Variants in ZNF180 observed in about 807,000 individuals in gnomAD.
ZNF180 encodes the protein zinc finger protein 180 (HHZ168).
Under a neutral mutation model 11.8 loss-of-function variants are expected in ZNF180, and 11 were observed. That is an observed-to-expected ratio of 0.93 (90% CI 0.59 to 1.55). The LOEUF (loss-of-function observed/expected upper bound fraction) is 1.55, where lower values mean the gene tolerates loss of function less well. Among genes scored for constraint, ZNF180 ranks in the 40% most tolerant of loss-of-function variants. The pLI is 0.00. For missense variants in ZNF180, 773 were observed against 781.7 expected (o/e 0.99, Z 0.13); for synonymous variants, 287 against 257.7 (o/e 1.11, Z -1.09).
chr19:44,486,130 A>T (rs1970221856), intron 2 of ZNF180, among the ~76,000 whole-genome samples: 1 of 152,234 alleles, frequency 6.6e-6, no homozygotes, highest in African/African-American at 2.4e-5. Flanking sequence ...AGAAGAAATA[A>T]ATTTGCATGT....
intron 3 of ZNF180, among the ~76,000 whole-genome samples, chr19:44,482,643 T>C (rs1429254268): frequency 6.6e-6 from 1 of 152,196 alleles, no homozygotes; most frequent in Non-Finnish European, 1.5e-5. Flanking sequence ...TTATCTCATA[T>C]TGTCTATAGC....
chr19:44,499,295 A>C (rs1970671873), intron 1 of ZNF180, among the ~76,000 whole-genome samples: 1 of 152,166 alleles, frequency 6.6e-6, no homozygotes, highest in African/African-American at 2.4e-5. Context: ...CCCGGGACCA[A>C]ATCTGCAGCA....
At chr19:44,483,797 C>T (rs545292055) in intron 3 of ZNF180, among the ~76,000 whole-genome samples, 188 of 152,142 alleles carry the variant, frequency 1.2e-3, no homozygotes, top group Non-Finnish European at 2.2e-3. Flanking sequence ...CTCTTGTTGC[C>T]TGATGAATAA....
In ZNF180 at chr19:44,479,268, G is replaced by A; in HGVS notation, c.253+15C>T. 1 of 1,608,308 alleles carries A rather than the reference G, an allele frequency of 6.2e-7. No homozygotes were observed. On this transcript the variant is annotated intron_variant, in intron 4 of 4. Transcript: ENST00000592529. ...TCAGTAGATGGATCTTCATTAAAGA[G>A]GAGTGTATTCTTACCCCAAGAGACT...
chr19:44,483,927 C>T (rs2461534), intron 3 of ZNF180, among the ~76,000 whole-genome samples: 93,575 of 151,610 alleles, frequency 0.62, 30,017 homozygotes, highest in East Asian at 0.89. Flanking sequence ...CTTCTACCTT[C>T]CACACAATAA....
rs1969866301 is a variant in ZNF180 at position 44,476,303 on chromosome 19, A to G, written c.*99T>C. The G allele has an allele frequency of 1.7e-5, 20 of 1,169,982 alleles. No homozygotes were observed. The South Asian group carries it at 3.6e-4, about 21-fold the overall frequency. 72.5% of individuals were successfully genotyped at this position (1,169,982 alleles called of 1,614,324 possible). On this transcript the variant is annotated 3_prime_UTR_variant, in exon 5 of 5. Coordinates refer to ENST00000592529, the MANE Select transcript of ZNF180 (RefSeq NM_001278509.3). Reference sequence around the variant, plus strand: ...GAGGGCTGGAAGTTTTCCCACATATATTGTTTTTATAGTAGTTCTTCCAAC... The same window carrying G: ...GAGGGCTGGAAGTTTTCCCACATATGTTGTTTTTATAGTAGTTCTTCCAAC...
rs145991950 is a variant in ZNF180 at position 44,484,091 on chromosome 19, T to G, written c.126+270A>C. On this transcript the variant is annotated intron_variant, in intron 3 of 4. Coordinates refer to ENST00000592529, the MANE Select transcript of ZNF180 (RefSeq NM_001278509.3). ...CTCACTGCAAGCTCTGCCTCCCAGG[T>G]TCACACCATTCTCCTGCCTCAGCCT... 9.9e-3 allele frequency among the ~76,000 whole-genome samples: 1,508 copies of G among 151,612 alleles called. 28 individuals carry two copies. The highest frequency in any genetic ancestry group is 0.034 in the African/African-American group (1,414 of 41,256).
chr19:44,479,559 G>A (rs1970025814), intron 3 of ZNF180, 150 bp from the exon 4 acceptor site: 2 of 1,023,248 alleles, frequency 2.0e-6, no homozygotes, highest in Admixed American at 2.5e-5. Flanking sequence ...CAGTCAAGAT[G>A]TACAGGTGCC....
At chr19:44,478,347 A>G (rs16979139) in intron 4 of ZNF180, among the ~76,000 whole-genome samples, 6,751 of 152,312 alleles carry the variant, frequency 0.044, 410 homozygotes, top group African/African-American at 0.12. Context: ...AGAGCATTAA[A>G]ATGGAACTAT....
In ZNF180 at chr19:44,479,418, G is replaced by C; in HGVS notation, c.127-9C>G. 1 of 1,613,518 alleles carries C rather than the reference G, an allele frequency of 6.2e-7. No individual in the cohort carries two copies. The stretch of plus-strand genomic sequence containing the variant: ...TTGAAGTTCACTCCTTCCTAAAAAA[G>C]GACACACATTCCTGCTCAGCTGGGC... On this transcript the variant is annotated splice_polypyrimidine_tract_variant and intron_variant, in intron 3 of 4. Transcript: ENST00000592529.
At chr19:44,489,962 GAAAGA>G (rs896767999) in intron 2 of ZNF180, among the ~76,000 whole-genome samples, 102 of 115,562 alleles carry the variant, frequency 8.8e-4, no homozygotes, top group Non-Finnish European at 1.4e-3. Context: ...GGAAAAGAAA[GAAAGA>G]AAAGAAAGAA....
Position 44,477,495 on chromosome 19 carries a change from T to C in ZNF180, c.905A>G (p.Tyr302Cys). Residue 302 changes from tyrosine to cysteine, a missense_variant, in exon 5 of 5, where the codon TAT (tyrosine) becomes TGT (cysteine). Tyr to Cys is a radical substitution (Grantham distance 194, BLOSUM62 -2). Coordinates refer to ENST00000592529, the MANE Select transcript of ZNF180 (RefSeq NM_001278509.3). The stretch of plus-strand genomic sequence containing the variant: ...ACTATGAGAGGTTTCACTACATTTA[T>C]ATTGACTCTCTTCAAAAGGAATTCT... ...QQRIPFEESQYKCSETSHSSS... is the reference protein window; with the variant it reads ...QQRIPFEESQCKCSETSHSSS... The C allele has an allele frequency of 6.2e-7, 1 of 1,614,144 alleles. No individual in the cohort carries two copies. The highest frequency in any genetic ancestry group is 1.1e-5 in the South Asian group (1 of 91,076).
chr19:44,477,756 T>C lies in ZNF180; in HGVS notation c.644A>G (p.Asn215Ser), dbSNP rs1969962274. 2 of 1,614,024 alleles carry C rather than the reference T, an allele frequency of 1.2e-6. No individual in the cohort carries two copies. Among genetic ancestry groups the C allele is most frequent in the Non-Finnish European group, 1.7e-6 (2 of 1,179,964 alleles). Reference protein sequence around the residue: ...AVNSHQKINENETLYENNECG... With the variant: ...AVNSHQKINESETLYENNECG... ...TTCATTATTTTCATATAGTGTCTCA[T>C]TCTCATTAATCTTCTGATGACTGTT... The change falls in exon 5 of 5, where the codon AAT becomes AGT. Residue 215 changes from asparagine to serine, a missense_variant. Coordinates refer to ENST00000592529, the MANE Select transcript of ZNF180 (RefSeq NM_001278509.3).
In ZNF180 at chr19:44,500,517, T is replaced by C. The variant is rs529202149; in HGVS notation, c.-286A>G. 53 of 513,192 alleles carry C rather than the reference T, an allele frequency of 1.0e-4. No individual in the cohort carries two copies. The East Asian group carries it at 1.4e-3, about 13-fold the overall frequency. 31.8% of individuals were successfully genotyped at this position (513,192 alleles called of 1,614,324 possible). The stretch of plus-strand genomic sequence containing the variant: ...CGTCCGCGCGCGGGACAATGGCTGC[T>C]CTTGTGGCCGAACCCGGAAGTGCAC... On this transcript the variant is annotated 5_prime_UTR_variant, in exon 1 of 5. Transcript: ENST00000592529.
rs771386157 is a variant in ZNF180 at position 44,477,556 on chromosome 19, C to T, written c.844G>A (p.Val282Ile). ...TTATGGGATATTTTGGGGTTCAAAA[C>T]CTGCCCACATTCTTTAAAATCAAAG... ...KTFDFKECGQ[V>I]LNPKISHNEQ... The change falls in exon 5 of 5, where the codon GTT becomes ATT. Residue 282 changes from valine to isoleucine, a missense_variant. Physicochemically the swap from Val to Ile is conservative, Grantham distance 29. Coordinates refer to ENST00000592529, the MANE Select transcript of ZNF180 (RefSeq NM_001278509.3). 1.2e-6 allele frequency: 2 copies of T among 1,614,096 alleles called. No individual in the cohort carries two copies. The highest frequency in any genetic ancestry group is 1.7e-5 in the Admixed American group (1 of 60,022).
At chr19:44,480,135 C>G (rs1336259354) in intron 3 of ZNF180, among the ~76,000 whole-genome samples, 2 of 152,128 alleles carry the variant, frequency 1.3e-5, no homozygotes, top group African/African-American at 4.8e-5. Flanking sequence ...GAGACAAGAC[C>G]TCACTCTGTT....
rs1042292070 is a variant in ZNF180 at position 44,477,174 on chromosome 19, G to A, written c.1226C>T (p.Pro409Leu). ...CTTTCCACACTGATTGCATTCATAA[G>A]GCTTCTCCCCAGTATGAGTTCTTTG... Reference protein sequence around the residue: ...VHQRTHTGEKPYECNQCGKSF... With the variant: ...VHQRTHTGEKLYECNQCGKSF... Residue 409 changes from proline (P) to leucine (L), a missense_variant, in exon 5 of 5, where the codon CCT becomes CTT. By Grantham distance (98) the Pro-to-Leu change is moderately conservative. Transcript: ENST00000592529. The A allele has an allele frequency of 9.3e-6, 15 of 1,613,340 alleles. No homozygotes were observed. The highest frequency in any genetic ancestry group is 1.3e-5 in the Non-Finnish European group (15 of 1,179,386).
At chr19:44,478,877 G>A (rs1970003103) in intron 4 of ZNF180, among the ~76,000 whole-genome samples, 1 of 152,226 alleles carries the variant, frequency 6.6e-6, no homozygotes, top group South Asian at 2.1e-4. Context: ...TTCTACACCT[G>A]TAATGACCCC....
At chr19:44,484,673 C>G in intron 2 of ZNF180, 3 of 552,002 alleles carry the variant, frequency 5.4e-6, no homozygotes, top group Non-Finnish European at 9.8e-6. Flanking sequence ...CTTTTTGGGT[C>G]TTCTGGGCCA....
Sources: allele counts gnomAD v4.1 joint callset (sites outside exome capture counted in the v4.1 genomes callset), GRCh38; gene constraint gnomAD v4.1.1; transcripts MANE v1.5; gene names NCBI Gene and HGNC (gene_info 2026-07-23, HGNC 2026-07-21).